The following TFAP2E variants were observed in gnomAD, a reference collection of about 807,000 sequenced individuals.
The protein encoded by TFAP2E is transcription factor AP-2 epsilon, also known as transcription factor AP-2-epsilon.
In TFAP2E, 30 loss-of-function variants were observed where a neutral mutation model predicts 37.9. That is an observed-to-expected ratio of 0.79 (90% CI 0.59 to 1.07). The LOEUF is 1.07. Ranked by LOEUF, TFAP2E falls within the 50% of genes least tolerant of loss-of-function variation. The pLI is 0.00. For synonymous variants in TFAP2E, 318 were observed against 295.8 expected (o/e 1.08, Z -0.77); for missense variants, 567 against 637.9 (o/e 0.89, Z 1.20).
In TFAP2E at chr1:35,594,793, A is replaced by G; in HGVS notation, c.*117A>G. 1 of 1,454,600 alleles carries G rather than the reference A, an allele frequency of 6.9e-7. No individual in the cohort carries two copies. Among genetic ancestry groups the G allele is most frequent in the Non-Finnish European group, 9.2e-7 (1 of 1,081,206 alleles). 90.1% of individuals were successfully genotyped at this position (1,454,600 alleles called of 1,614,324 possible). On this transcript the variant is annotated 3_prime_UTR_variant, in exon 7 of 7. Coordinates refer to ENST00000373235, the MANE Select transcript of TFAP2E (RefSeq NM_178548.4). The stretch of plus-strand genomic sequence containing the variant: ...ATTAGAGTCAGGCCAGAAAGAGAAC[A>G]TTCATCCAGAGATCCCAGAGTTGGG...
chr1:35,588,235 C>T lies in TFAP2E; in HGVS notation c.563-95C>T. The T allele has an allele frequency of 7.8e-7, 1 of 1,283,636 alleles. No individual in the cohort carries two copies. 79.5% of individuals were successfully genotyped at this position (1,283,636 alleles called of 1,614,324 possible). On this transcript the variant is annotated intron_variant, in intron 3 of 6. Coordinates refer to ENST00000373235, the MANE Select transcript of TFAP2E (RefSeq NM_178548.4). This position sits in a 1 kb window ranked among gnomAD's most constrained non-coding sequence, Gnocchi z 5.1. Reference sequence around the variant, plus strand: ...GAGTCACTTTCACCTCACTGTGGCTCAGTTTCTCCCTTCATAAAGCAAGGA... The same window carrying T: ...GAGTCACTTTCACCTCACTGTGGCTTAGTTTCTCCCTTCATAAAGCAAGGA...
At chr1:35,591,992 G>A (rs1056562608) in intron 6 of TFAP2E, among the ~76,000 whole-genome samples, 1 of 152,090 alleles carries the variant, frequency 6.6e-6, no homozygotes, top group Non-Finnish European at 1.5e-5. Context: ...CCGGCCCCAA[G>A]ATTTAGTTTT....
intron 3 of TFAP2E, among the ~76,000 whole-genome samples, chr1:35,582,540 G>T (rs1481629695): frequency 7.2e-6 from 1 of 138,810 alleles, no homozygotes; most frequent in East Asian, 2.1e-4. Flanking sequence ...ACAGGGTCCC[G>T]CTATGTTGCC....
At position 35,579,650 on chromosome 1, in the gene TFAP2E, C is replaced by T. The variant is rs187301201; in HGVS notation, c.562+4650C>T. ...CCTCAAGTGACCTGCCCGCTTCAGC[C>T]ACCCAAAGTGCTGGGATTACAGGCG... On this transcript the variant is annotated intron_variant, in intron 3 of 6. Transcript: ENST00000373235. Among the ~76,000 whole-genome samples, 55 of 152,160 alleles carry T rather than the reference C, an allele frequency of 3.6e-4. 1 individual carries two copies. Among genetic ancestry groups the T allele is most frequent in the Non-Finnish European group, 6.6e-4 (45 of 68,018 alleles).
rs1352694800 is a variant in TFAP2E at position 35,574,264 on chromosome 1, G to A, written c.365G>A (p.Arg122His). 3.7e-6 allele frequency: 5 copies of A among 1,362,806 alleles called. No homozygotes were observed. The highest frequency in any genetic ancestry group is 7.9e-5 in the East Asian group (2 of 25,286). 84.4% of individuals were successfully genotyped at this position (1,362,806 alleles called of 1,614,324 possible). The change falls in exon 2 of 7, where the codon CGC (arginine) becomes CAC (histidine). Residue 122 changes from arginine to histidine, a missense_variant. Arg to His is a conservative substitution (Grantham distance 29, BLOSUM62 0). Transcript: ENST00000373235. ...EPPGLLAPPA[R>H]ALGLDPRRDY... is the part of the protein sequence containing the mutation. ...CCCGGCCTGCTGGCACCGCCCGCCC[G>A]CGCCCTGGGCCTTGACCCGCGCCGT...
chr1:35,573,980 G>A lies in TFAP2E; in HGVS notation c.81G>A (p.Leu27=). ...CCGGCGGGGCCCGCCTGTCGTCTCTGCCCCAGGCGGCCTACGGGCCGGCGC... is the reference window on the plus strand; with the variant it reads ...CCGGCGGGGCCCGCCTGTCGTCTCTACCCCAGGCGGCCTACGGGCCGGCGC... ...AAAGGARLSS[L]PQAAYGPAPP... is the part of the protein sequence containing the mutation. Residue 27 remains leucine (L), a synonymous_variant, in exon 2 of 7, where the codon CTG becomes CTA. Transcript: ENST00000373235. This position sits in a 1 kb window ranked among gnomAD's most constrained non-coding sequence, Gnocchi z 5.9. The A allele has an allele frequency of 1.7e-5, 25 of 1,484,952 alleles. No individual in the cohort carries two copies. Among genetic ancestry groups the A allele is most frequent in the Non-Finnish European group, 2.2e-5 (25 of 1,128,950 alleles). 92.0% of individuals were successfully genotyped at this position (1,484,952 alleles called of 1,614,324 possible). A position where few individuals can be genotyped will look rare whatever the true frequency, so the allele number is the denominator to read the frequency against.
chr1:35,574,556 C>G, intron 2 of TFAP2E, 147 bp downstream of exon 2: 1 of 1,319,744 alleles, frequency 7.6e-7, no homozygotes, highest in Non-Finnish European at 9.9e-7. Flanking sequence ...TGTCCCACCT[C>G]CTGGGTTAGA....
chr1:35,574,346 C>T lies in TFAP2E; in HGVS notation c.447C>T (p.Gly149=). 6.9e-7 allele frequency: 1 copy of T among 1,448,768 alleles called. No individual in the cohort carries two copies. Among genetic ancestry groups the T allele is most frequent in the Non-Finnish European group, 9.0e-7 (1 of 1,112,930 alleles). 89.7% of individuals were successfully genotyped at this position (1,448,768 alleles called of 1,614,324 possible). ...LLHGLADGAH[G]LADAPLGLPG... ...ACGGCCTGGCCGACGGCGCGCACGG[C>T]CTGGCAGACGCACCTCTCGGCCTTC... Residue 149 remains glycine, a synonymous_variant, in exon 2 of 7, where the codon GGC becomes GGT. Transcript: ENST00000373235.
rs1254576574 is a variant in TFAP2E, at chr1:35,577,396, G to C, written c.562+2396G>C. The C allele has an allele frequency of 4.4e-6, 2 of 456,794 alleles. No homozygotes were observed. The highest frequency in any genetic ancestry group is 4.7e-5 in the Admixed American group (2 of 42,596). The allele number at this position is 456,794 out of a possible 1,614,324, so 28.3% of individuals were successfully genotyped here. Reference sequence around the variant, plus strand: ...GGGGAGTGAATTAGCGCCCTCCTTCGTCCTCGGCCCTTCCGACGGCACGAG... The same window carrying C: ...GGGGAGTGAATTAGCGCCCTCCTTCCTCCTCGGCCCTTCCGACGGCACGAG... On this transcript the variant is annotated intron_variant, in intron 3 of 6. Coordinates refer to ENST00000373235, the MANE Select transcript of TFAP2E (RefSeq NM_178548.4). The surrounding 1 kb of genome is among the most constrained non-coding windows in gnomAD (Gnocchi z 6.3).
intron 3 of TFAP2E, among the ~76,000 whole-genome samples, chr1:35,580,963 C>T (rs961574942): frequency 6.6e-6 from 1 of 152,086 alleles, no homozygotes; most frequent in Non-Finnish European, 1.5e-5. Flanking sequence ...ACCATTACCA[C>T]AAAAAAATCC....
rs766927788 is a variant in TFAP2E at position 35,590,629 on chromosome 1, C to A, written c.905-5C>A. 1 of 1,484,208 alleles carries A rather than the reference C, an allele frequency of 6.7e-7. No homozygotes were observed. Among genetic ancestry groups the A allele is most frequent in the Admixed American group, 2.1e-5 (1 of 48,726 alleles). The allele number at this position is 1,484,208 out of a possible 1,614,324, so 91.9% of individuals were successfully genotyped here. A position where few individuals can be genotyped will look rare whatever the true frequency, so the allele number is the denominator to read the frequency against. Reference sequence around the variant, plus strand: ...CTGCAGTAGTGACAGCTCCCCTCCCCCCAGGAGAGGCCGTGCACCTGGCCC... The same window carrying A: ...CTGCAGTAGTGACAGCTCCCCTCCCACCAGGAGAGGCCGTGCACCTGGCCC... On this transcript the variant is annotated splice_polypyrimidine_tract_variant and splice_region_variant and intron_variant, in intron 5 of 6. Coordinates refer to ENST00000373235, the MANE Select transcript of TFAP2E (RefSeq NM_178548.4). The surrounding 1 kb of genome is among the most constrained non-coding windows in gnomAD (Gnocchi z 6.2).
At position 35,590,016 on chromosome 1, in the gene TFAP2E, C is replaced by G; in HGVS notation, c.872C>G (p.Ala291Gly). Residue 291 changes from alanine (A) to glycine (G), a missense_variant, in exon 5 of 7, where the codon GCC becomes GGC. By Grantham distance (60) the Ala-to-Gly change is moderately conservative. Coordinates refer to ENST00000373235, the MANE Select transcript of TFAP2E (RefSeq NM_178548.4). This position sits in a 1 kb window ranked among gnomAD's most constrained non-coding sequence, Gnocchi z 6.2. ...CTGCCAGCTGGCCGTCGCAAGGCCGCCAATGTGACGCTGCTGACTTCGCTA... is the reference window on the plus strand; with the variant it reads ...CTGCCAGCTGGCCGTCGCAAGGCCGGCAATGTGACGCTGCTGACTTCGCTA... ...LNLPAGRRKAANVTLLTSLVE... is the reference protein window; with the variant it reads ...LNLPAGRRKAGNVTLLTSLVE... 3 of 1,614,060 alleles carry G rather than the reference C, an allele frequency of 1.9e-6. No homozygotes were observed. The highest frequency in any genetic ancestry group is 2.5e-6 in the Non-Finnish European group (3 of 1,179,982).
Position 35,577,837 on chromosome 1 carries a change from A to G in TFAP2E, c.562+2837A>G. ...CACTTCCGGGTCCCATGCCAGTTGC[A>G]TCCGCGGTATTGGGCAGGAAATGGC... On this transcript the variant is annotated intron_variant, in intron 3 of 6. Transcript: ENST00000373235. This position sits in a 1 kb window ranked among gnomAD's most constrained non-coding sequence, Gnocchi z 6.3. The G allele has an allele frequency of 9.9e-6, 2 of 202,596 alleles. No homozygotes were observed. The highest frequency in any genetic ancestry group is 1.4e-4 in the South Asian group (2 of 14,182). 12.5% of individuals were successfully genotyped at this position (202,596 alleles called of 1,614,324 possible).
intron 6 of TFAP2E, among the ~76,000 whole-genome samples, chr1:35,593,182 T>TA (rs368980059): frequency 1.8e-4 from 27 of 151,236 alleles, no homozygotes; most frequent in African/African-American, 5.3e-4. Context: ...CCATCTGTAC[T>TA]AAAAAAAAAT....
rs920519346 is a variant in TFAP2E at position 35,590,705 on chromosome 1, G to A, written c.976G>A (p.Glu326Lys). Reference sequence around the variant, plus strand: ...GGAGTTCCCAGCCAAGGCAGCTGCCGAGTACCTGTGCCGACAGCACGCTGA... The same window carrying A: ...GGAGTTCCCAGCCAAGGCAGCTGCCAAGTACCTGTGCCGACAGCACGCTGA... ...ETEFPAKAAA[E>K]YLCRQHADPG... Residue 326 changes from glutamate to lysine, a missense_variant, in exon 6 of 7, where the codon GAG (glutamate) becomes AAG (lysine). By Grantham distance (56) the Glu-to-Lys change is moderately conservative (BLOSUM62 1). Coordinates refer to ENST00000373235, the MANE Select transcript of TFAP2E (RefSeq NM_178548.4). The surrounding 1 kb of genome is among the most constrained non-coding windows in gnomAD (Gnocchi z 6.2). 1.5e-5 allele frequency: 23 copies of A among 1,556,890 alleles called. No homozygotes were observed. Among genetic ancestry groups the A allele is most frequent in the African/African-American group, 4.1e-5 (3 of 73,632 alleles).
Position 35,594,442 on chromosome 1 carries a change from G to A in TFAP2E, c.1095G>A (p.Pro365=), listed in dbSNP as rs758894307. 8 of 1,613,970 alleles carry A rather than the reference G, an allele frequency of 5.0e-6. No individual in the cohort carries two copies. The highest frequency in any genetic ancestry group is 1.3e-5 in the African/African-American group (1 of 74,922). The change falls in exon 7 of 7, where the codon CCG becomes CCA. Residue 365 remains proline (P), a synonymous_variant. Transcript: ENST00000373235. ...ACTTGATGGCTCAGGACCGCTCACC[G>A]CTGGGCAACAGCCGCCCAGCACTCA... ...FADLMAQDRS[P]LGNSRPALIL... is the part of the protein sequence containing the mutation.
chr1:35,585,057 G>A (rs2148550364), intron 3 of TFAP2E, among the ~76,000 whole-genome samples: 1 of 152,210 alleles, frequency 6.6e-6, no homozygotes, highest in South Asian at 2.1e-4. Context: ...CCAGGGATGG[G>A]GGTGAGAGGG....
At chr1:35,581,184 T>C (rs563202449) in intron 3 of TFAP2E, among the ~76,000 whole-genome samples, 1 of 152,340 alleles carries the variant, frequency 6.6e-6, no homozygotes, top group South Asian at 2.1e-4. Context: ...CCAAACATTA[T>C]GCTAAGTAAA....
In TFAP2E at chr1:35,588,639, C is replaced by T; in HGVS notation, c.785+87C>T. 2 of 1,329,690 alleles carry T rather than the reference C, an allele frequency of 1.5e-6. No homozygotes were observed. The highest frequency in any genetic ancestry group is 2.0e-6 in the Non-Finnish European group (2 of 989,918). The allele number at this position is 1,329,690 out of a possible 1,614,324, so 82.4% of individuals were successfully genotyped here. ...AAGGCATCAGAGAGGAGGCCAGTCT[C>T]ACCTAGGCCCTCTGCCTCAGTCTCC... On this transcript the variant is annotated intron_variant, in intron 4 of 6. Coordinates refer to ENST00000373235, the MANE Select transcript of TFAP2E (RefSeq NM_178548.4). This position sits in a 1 kb window ranked among gnomAD's most constrained non-coding sequence, Gnocchi z 5.1.
Sources: allele counts gnomAD v4.1 joint callset (sites outside exome capture counted in the v4.1 genomes callset), GRCh38; gene constraint gnomAD v4.1.1; non-coding constraint Gnocchi (gnomAD v3.1); transcripts MANE v1.5; gene names NCBI Gene and HGNC (gene_info 2026-07-23, HGNC 2026-07-21).